The following ROBO2 variants were observed in gnomAD, a reference collection of about 807,000 sequenced individuals.
ROBO2 encodes the protein roundabout homolog 2.
Under a neutral mutation model 160.8 loss-of-function variants are expected in ROBO2, and 53 were observed. That is an observed-to-expected ratio of 0.33 (90% CI 0.26 to 0.41). The LOEUF (loss-of-function observed/expected upper bound fraction) is 0.41, where lower values mean the gene tolerates loss of function less well. Ranked by LOEUF, ROBO2 falls within the 10% of genes least tolerant of loss-of-function variation. ROBO2 has a pLI of 1.00. For synonymous variants in ROBO2, 664 were observed against 611.7 expected (o/e 1.09, Z -1.26); for missense variants, 1,577 against 1,722.4 (o/e 0.92, Z 1.49).
At chr3:77,498,263 G>A (rs542227676) in intron 5 of ROBO2, among the ~76,000 whole-genome samples, 3 of 152,060 alleles carry the variant, frequency 2.0e-5, no homozygotes, top group South Asian at 4.2e-4. Context: ...TTCCACAGCC[G>A]AGAAAGGAAT....
chr3:75,927,547 G>C (rs1947336671), intron 1 of ROBO2, among the ~76,000 whole-genome samples: 2 of 152,308 alleles, frequency 1.3e-5, no homozygotes, highest in Non-Finnish European at 2.9e-5. Flanking sequence ...GTCACGTAAA[G>C]TATATCTTCC....
At chr3:77,427,859 G>C (rs1048084275) in intron 2 of ROBO2, among the ~76,000 whole-genome samples, 2 of 152,142 alleles carry the variant, frequency 1.3e-5, no homozygotes, top group Admixed American at 1.3e-4. Flanking sequence ...TTAATAGGGA[G>C]AGATAATTTT....
intron 11 of ROBO2, chr3:77,564,438 CTT>C (rs1339243303): frequency 2.2e-6 from 1 of 455,654 alleles, no homozygotes; most frequent in Non-Finnish European, 4.4e-6. Context: ...TGCTTCCTCT[CTT>C]CTTTTACAGA....
chr3:76,779,351 G>A lies in ROBO2; in HGVS notation c.110-318663G>A, dbSNP rs1260323516. 1.5e-4 allele frequency among the ~76,000 whole-genome samples: 22 copies of A among 150,862 alleles called. No individual in the cohort carries two copies. The Admixed American group carries it at 1.5e-3, about 10-fold the overall frequency. On this transcript the variant is annotated intron_variant, in intron 2 of 26. Coordinates refer to the ROBO2 transcript ENST00000487694. ...ATTATTATTACTGAAATTTATGTGG[G>A]TGTGTTGTAAGAATGCAACATAAGA...
chr3:76,743,551 A>G (rs538734189), intron 2 of ROBO2, among the ~76,000 whole-genome samples: 79 of 152,294 alleles, frequency 5.2e-4, no homozygotes, highest in African/African-American at 1.8e-3. Context: ...AAAGTTATCC[A>G]GTAACAAAAG....
intron 2 of ROBO2, among the ~76,000 whole-genome samples, chr3:76,350,577 C>T (rs1011943820): frequency 1.3e-5 from 2 of 151,882 alleles, no homozygotes; most frequent in African/African-American, 4.8e-5. Context: ...AATATAAATA[C>T]CAATGTTAAA....
intron 2 of ROBO2, among the ~76,000 whole-genome samples, chr3:76,455,071 G>T (rs957287299): frequency 6.6e-6 from 1 of 152,078 alleles, no homozygotes; most frequent in Non-Finnish European, 1.5e-5. Context: ...ACTTATTGCA[G>T]TGTTTAAGAA....
chr3:77,380,184 GT>G (rs1560674427), intron 2 of ROBO2, among the ~76,000 whole-genome samples: 1 of 152,186 alleles, frequency 6.6e-6, no homozygotes, highest in East Asian at 1.9e-4. Context: ...AATTTTATTT[GT>G]CTTGTACTCA....
intron 2 of ROBO2, among the ~76,000 whole-genome samples, chr3:76,806,778 A>G (rs1247664351): frequency 2.6e-5 from 4 of 152,066 alleles, no homozygotes; most frequent in African/African-American, 4.8e-5. Flanking sequence ...AAGTTGCACT[A>G]TATAGACACA....
intron 2 of ROBO2, among the ~76,000 whole-genome samples, chr3:77,226,367 A>G (rs1355750071): frequency 6.6e-6 from 1 of 151,442 alleles, no homozygotes; most frequent in African/African-American, 2.4e-5. Context: ...ATTTGATGGC[A>G]GTTTTCTTCA....
intron 2 of ROBO2, chr3:76,434,428 G>C (rs192955752): frequency 6.4e-7 from 1 of 1,564,314 alleles, no homozygotes; most frequent in Non-Finnish European, 8.8e-7. Context: ...TGGGCTGGGT[G>C]GCTATGGCCC....
intron 2 of ROBO2, among the ~76,000 whole-genome samples, chr3:76,871,082 A>C (rs2072000156): frequency 6.6e-6 from 1 of 152,200 alleles, no homozygotes; most frequent in Non-Finnish European, 1.5e-5. Flanking sequence ...TAACGTAGTG[A>C]CTATATTTTG....
At chr3:77,521,629 G>C (rs1389926235) in intron 5 of ROBO2, among the ~76,000 whole-genome samples, 2 of 151,232 alleles carry the variant, frequency 1.3e-5, no homozygotes, top group Non-Finnish European at 3.0e-5. Flanking sequence ...GGATGGAAGA[G>C]TAAGGGTAGT....
intron 2 of ROBO2, among the ~76,000 whole-genome samples, chr3:77,177,488 A>C (rs961764896): frequency 1.3e-5 from 2 of 151,974 alleles, no homozygotes; most frequent in Non-Finnish European, 2.9e-5. Flanking sequence ...ATCCTCCTTC[A>C]TACTTTAAAT....
chr3:76,405,400 A>G (rs1293312682), intron 2 of ROBO2, among the ~76,000 whole-genome samples: 1 of 151,654 alleles, frequency 6.6e-6, no homozygotes, highest in Non-Finnish European at 1.5e-5. Flanking sequence ...GATACATATG[A>G]TTTTGGAATG....
intron 1 of ROBO2, among the ~76,000 whole-genome samples, chr3:75,921,355 TAC>T (rs140153801): frequency 2.6e-5 from 4 of 151,122 alleles, no homozygotes; most frequent in African/African-American, 4.8e-5. Context: ...GTGATATACA[TAC>T]ACACACACAC....
At chr3:76,425,561 G>T (rs189076722) in intron 2 of ROBO2, among the ~76,000 whole-genome samples, 1 of 150,860 alleles carries the variant, frequency 6.6e-6, no homozygotes, top group Middle Eastern at 3.4e-3. Context: ...CTTCACCATG[G>T]TATACCCAAT....
At chr3:76,286,040 A>G (rs571919012) in intron 2 of ROBO2, among the ~76,000 whole-genome samples, 6 of 152,332 alleles carry the variant, frequency 3.9e-5, no homozygotes, top group Admixed American at 2.6e-4. Flanking sequence ...AATGGATAAT[A>G]TGTAAACACT....
intron 2 of ROBO2, among the ~76,000 whole-genome samples, chr3:76,577,289 G>T (rs1211030611): frequency 6.6e-6 from 1 of 151,936 alleles, no homozygotes; most frequent in African/African-American, 2.4e-5. Context: ...AAATTAAAAA[G>T]ATGCTTCTTT....
Sources: gnomAD v4.1 joint callset for allele counts (sites outside exome capture counted in the v4.1 genomes callset) on GRCh38, gnomAD v4.1.1 for gene constraint, MANE v1.5 for transcripts, NCBI Gene and HGNC (gene_info 2026-07-23, HGNC 2026-07-21) for gene names.